SMYD3: variants seen among roughly 807,000 people sequenced by gnomAD.
SMYD3 encodes SET and MYND domain containing 3, also known as histone-lysine N-methyltransferase SMYD3.
Under a neutral mutation model 57.7 loss-of-function variants are expected in SMYD3, and 36 were observed. That is an observed-to-expected ratio of 0.62 (90% CI 0.48 to 0.82). The LOEUF is 0.82. Ranked by LOEUF, SMYD3 falls within the 40% of genes least tolerant of loss-of-function variation. The pLI, the probability that SMYD3 is intolerant of heterozygous loss-of-function variation, is 0.00. For missense variants in SMYD3, 515 were observed against 538.8 expected (o/e 0.96, Z 0.44); for synonymous variants, 211 against 195.0 (o/e 1.08, Z -0.68).
chr1:246,500,795 C>A (rs1339230763), intron 1 of SMYD3, among the ~76,000 whole-genome samples: 1 of 152,220 alleles, frequency 6.6e-6, no homozygotes, highest in Admixed American at 6.5e-5. Flanking sequence ...GTCATCCTGT[C>A]TGATTAAGAA....
intron 5 of SMYD3, among the ~76,000 whole-genome samples, chr1:246,121,021 G>A (rs959872652): frequency 9.2e-5 from 14 of 152,100 alleles, no homozygotes; most frequent in African/African-American, 2.9e-4. Context: ...ATACAAAAAC[G>A]AATAAAACAC....
At chr1:246,378,790 ATAT>A (rs1337789708) in intron 1 of SMYD3, among the ~76,000 whole-genome samples, 8 of 110,788 alleles carry the variant, frequency 7.2e-5, no homozygotes, top group African/African-American at 2.6e-4. Context: ...TATATTTAAT[ATAT>A]TATTTTTATA....
intron 10 of SMYD3, among the ~76,000 whole-genome samples, chr1:245,816,517 T>TAAA (rs35612835): frequency 0.034 from 3,371 of 100,016 alleles, 174 homozygotes; most frequent in African/African-American, 0.042. Flanking sequence ...TTCATCTATG[T>TAAA]AAAAAAAAAA....
intron 5 of SMYD3, among the ~76,000 whole-genome samples, chr1:246,212,456 A>C (rs1237740905): frequency 6.6e-6 from 1 of 152,146 alleles, no homozygotes; most frequent in Non-Finnish European, 1.5e-5. Flanking sequence ...CCAATACATA[A>C]ATGCATAGAT....
intron 10 of SMYD3, among the ~76,000 whole-genome samples, chr1:245,829,685 T>G (rs1379372502): frequency 6.6e-6 from 1 of 152,192 alleles, no homozygotes; most frequent in Non-Finnish European, 1.5e-5. Context: ...TAAAAACTTG[T>G]GCACACATGT....
chr1:246,485,649 T>A (rs1266500336), intron 1 of SMYD3, among the ~76,000 whole-genome samples: 2 of 151,632 alleles, frequency 1.3e-5, no homozygotes, highest in African/African-American at 4.9e-5. Flanking sequence ...TTTAAATAGC[T>A]GGGGGTGGTG....
At chr1:246,228,906 T>C (rs1431891509) in intron 5 of SMYD3, among the ~76,000 whole-genome samples, 1 of 152,134 alleles carries the variant, frequency 6.6e-6, no homozygotes, top group Non-Finnish European at 1.5e-5. Flanking sequence ...AAAACATCTT[T>C]GGGATGACAA....
chr1:246,483,060 C>T (rs1168736745), intron 1 of SMYD3, among the ~76,000 whole-genome samples: 2 of 152,204 alleles, frequency 1.3e-5, no homozygotes, highest in African/African-American at 4.8e-5. Context: ...CAAAGCCCAG[C>T]TGCAGACTTA....
intron 5 of SMYD3, among the ~76,000 whole-genome samples, chr1:246,120,094 A>C (rs1450125450): frequency 6.6e-6 from 1 of 152,136 alleles, no homozygotes; most frequent in Admixed American, 6.5e-5. Context: ...AATGGTAATA[A>C]ATTGGGGAAA....
intron 5 of SMYD3, among the ~76,000 whole-genome samples, chr1:245,935,276 T>C (rs186819201): frequency 2.6e-4 from 40 of 152,278 alleles, no homozygotes; most frequent in African/African-American, 8.9e-4. Flanking sequence ...AAAGAAGACA[T>C]ATAAATGGTC....
chr1:245,865,682 G>T (rs9725264), intron 8 of SMYD3, among the ~76,000 whole-genome samples: 84,528 of 152,176 alleles, frequency 0.56, 26,681 homozygotes, highest in Non-Finnish European at 0.73. Flanking sequence ...CCAGCCAGGT[G>T]TGGCTATTTC....
At chr1:245,812,577 C>T (rs6683131) in intron 10 of SMYD3, among the ~76,000 whole-genome samples, 31,527 of 151,652 alleles carry the variant, frequency 0.21, 4,217 homozygotes, top group African/African-American at 0.37. Flanking sequence ...GGGTATTTTC[C>T]GTGAAAACAC....
intron 1 of SMYD3, among the ~76,000 whole-genome samples, chr1:246,421,427 A>C (rs1400729050): frequency 6.6e-6 from 1 of 152,176 alleles, no homozygotes; most frequent in East Asian, 1.9e-4. Context: ...AGTAAAATGT[A>C]ACAAAATAAA....
intron 5 of SMYD3, among the ~76,000 whole-genome samples, chr1:245,937,374 C>T (rs974890640): frequency 6.6e-6 from 1 of 152,166 alleles, no homozygotes; most frequent in Non-Finnish European, 1.5e-5. Flanking sequence ...TTTCTAAAAG[C>T]TTTACTCACA....
chr1:245,772,897 C>T (rs1295238445), intron 10 of SMYD3, among the ~76,000 whole-genome samples: 1 of 151,922 alleles, frequency 6.6e-6, no homozygotes, highest in East Asian at 1.9e-4. Flanking sequence ...CATGGCTCTT[C>T]CAGTTAGTTG....
intron 1 of SMYD3, among the ~76,000 whole-genome samples, chr1:246,494,316 T>C (rs2068323810): frequency 6.6e-6 from 1 of 152,240 alleles, no homozygotes; most frequent in Non-Finnish European, 1.5e-5. Context: ...TAGTTATTCC[T>C]CCATAGTTGT....
Position 245,858,689 on chromosome 1 carries a change from A to C in SMYD3, c.902-19T>G, listed in dbSNP as rs1173343271. On this transcript the variant is annotated intron_variant, in intron 9 of 11. Coordinates refer to ENST00000490107, the MANE Select transcript of SMYD3 (RefSeq NM_001167740.2). ...TCCCACTCTGTTATTAACCTTAGTT[A>C]AGGATTCATTGTCTTCATCAAGAAA... The C allele has an allele frequency of 1.1e-5, 18 of 1,607,330 alleles. No homozygotes were observed. Among genetic ancestry groups the C allele is most frequent in the Non-Finnish European group, 1.5e-5 (18 of 1,176,990 alleles).
At chr1:246,270,052 GA>G (rs1438700674) in intron 5 of SMYD3, among the ~76,000 whole-genome samples, 2 of 152,132 alleles carry the variant, frequency 1.3e-5, no homozygotes, top group Non-Finnish European at 2.9e-5. Flanking sequence ...AGTCTTGGTT[GA>G]ATAAATTAAT....
intron 10 of SMYD3, among the ~76,000 whole-genome samples, chr1:245,850,304 CG>C (rs1246776011): frequency 2.6e-5 from 4 of 152,132 alleles, no homozygotes; most frequent in Non-Finnish European, 5.9e-5. Flanking sequence ...ATAAAGAACC[CG>C]AAAGTGTTTT....
Sources: gnomAD v4.1 joint callset for allele counts (sites outside exome capture counted in the v4.1 genomes callset) on GRCh38, gnomAD v4.1.1 for gene constraint, MANE v1.5 for transcripts, NCBI Gene and HGNC (gene_info 2026-07-23, HGNC 2026-07-21) for gene names.